The following AMD1 variants were observed in gnomAD, a reference collection of about 807,000 sequenced individuals.
The protein encoded by AMD1 is S-adenosylmethionine decarboxylase proenzyme.
In AMD1, 11 loss-of-function variants were observed where a neutral mutation model predicts 40.2. That is an observed-to-expected ratio of 0.27 (90% CI 0.17 to 0.45). AMD1 has a LOEUF of 0.45. AMD1 is among the 20% of genes least tolerant of loss of function. The pLI is 1.00. For missense variants in AMD1, 257 were observed against 410.2 expected (o/e 0.63, Z 3.23); for synonymous variants, 121 against 130.8 (o/e 0.93, Z 0.51).
chr6:110,836,461 A>G, the AMD1 span, among the ~76,000 whole-genome samples: 1 of 152,224 alleles, frequency 6.6e-6, no homozygotes, highest in Non-Finnish European at 1.5e-5. Context: ...ACACAACAGT[A>G]TATAGATAAC....
intron 1 of AMD1, among the ~76,000 whole-genome samples, 177 bp from the exon 2 acceptor site, chr6:110,887,325 CATA>C (rs897792001): frequency 3.3e-5 from 5 of 151,936 alleles, no homozygotes; most frequent in African/African-American, 1.2e-4. Context: ...TCATATATAG[CATA>C]ATATACCTAT....
the AMD1 span, among the ~76,000 whole-genome samples, chr6:110,857,201 C>T: frequency 6.0e-5 from 9 of 151,160 alleles, no homozygotes; most frequent in South Asian, 1.7e-3. Context: ...AACCTATGTC[C>T]AGATAACAGA....
intron 4 of AMD1, among the ~76,000 whole-genome samples, chr6:110,890,567 C>T (rs780067542): frequency 4.6e-5 from 7 of 152,088 alleles, no homozygotes; most frequent in Non-Finnish European, 1.0e-4. Flanking sequence ...CTCACTGCAG[C>T]CTCAACATCC....
chr6:110,846,247 C>T, the AMD1 span, among the ~76,000 whole-genome samples: 25 of 151,870 alleles, frequency 1.6e-4, no homozygotes, highest in Non-Finnish European at 2.8e-4. Context: ...ACAACAACAA[C>T]AACAACAAAA....
the AMD1 span, among the ~76,000 whole-genome samples, chr6:110,818,099 G>A: frequency 6.6e-6 from 1 of 152,172 alleles, no homozygotes; most frequent in Non-Finnish European, 1.5e-5. Context: ...ATTATGAAAA[G>A]CTATTTATGT....
At chr6:110,821,037 G>A in the AMD1 span, among the ~76,000 whole-genome samples, 1 of 152,212 alleles carries the variant, frequency 6.6e-6, no homozygotes, top group Non-Finnish European at 1.5e-5. Context: ...TTTGTGATAT[G>A]AGTTTTAATC....
the AMD1 span, among the ~76,000 whole-genome samples, chr6:110,842,892 T>C: frequency 6.6e-6 from 1 of 152,000 alleles, no homozygotes; most frequent in Non-Finnish European, 1.5e-5. Context: ...CCCAGCAATT[T>C]GGGAGGCCGA....
In AMD1 at chr6:110,892,722, T is replaced by C; in HGVS notation, c.616-13T>C. 2.6e-6 allele frequency: 4 copies of C among 1,509,768 alleles called. No homozygotes were observed. Among genetic ancestry groups the C allele is most frequent in the Middle Eastern group, 2.1e-4 (1 of 4,848 alleles). The allele number at this position is 1,509,768 out of a possible 1,614,324, so 93.5% of individuals were successfully genotyped here. Reference sequence around the variant, plus strand: ...TCAAACCCTTGTTAAACTCGGTCTTTTTCCCCCCCCAGGAGAGTGGAATTC... The same window carrying C: ...TCAAACCCTTGTTAAACTCGGTCTTCTTCCCCCCCCAGGAGAGTGGAATTC... On this transcript the variant is annotated splice_polypyrimidine_tract_variant and intron_variant, in intron 6 of 8. Transcript: ENST00000368885.
chr6:110,844,233 A>AAAAGAAAG, the AMD1 span, among the ~76,000 whole-genome samples: 2 of 151,426 alleles, frequency 1.3e-5, no homozygotes, highest in African/African-American at 4.9e-5. Context: ...ACTTCAAAAA[A>AAAAGAAAG]AAAGAAAGAA....
the AMD1 span, among the ~76,000 whole-genome samples, chr6:110,824,877 C>A: frequency 6.6e-6 from 1 of 152,058 alleles, no homozygotes; most frequent in East Asian, 1.9e-4. Context: ...CATAGCTGCC[C>A]TATGAGGAAG....
chr6:110,815,224 T>G, the AMD1 span: 2 of 1,227,464 alleles, frequency 1.6e-6, no homozygotes, highest in Non-Finnish European at 1.0e-6. Context: ...CCGCTCCACT[T>G]CTCCAACAGC....
chr6:110,851,057 G>A, the AMD1 span, among the ~76,000 whole-genome samples: 8 of 151,994 alleles, frequency 5.3e-5, no homozygotes, highest in Non-Finnish European at 8.8e-5. Flanking sequence ...TCCACCTCCC[G>A]GGTTCAAGCA....
the AMD1 span, among the ~76,000 whole-genome samples, chr6:110,822,951 A>G: frequency 6.6e-6 from 1 of 152,188 alleles, no homozygotes; most frequent in Non-Finnish European, 1.5e-5. Flanking sequence ...CCCTGTCTCT[A>G]CTAAAAATAC....
At chr6:110,840,333 A>G in the AMD1 span, among the ~76,000 whole-genome samples, 1 of 152,064 alleles carries the variant, frequency 6.6e-6, no homozygotes, top group African/African-American at 2.4e-5. Context: ...TTGGGGGCTC[A>G]GTCCCCAAGA....
Position 110,892,470 on chromosome 6 carries a change from C to T in AMD1, c.615+27C>T, listed in dbSNP as rs767592078. The T allele has an allele frequency of 2.5e-6, 4 of 1,609,814 alleles. No homozygotes were observed. In the Admixed American group the frequency reaches 5.0e-5, roughly 20 times the overall value. ...TAAGCATTTTTAGTAATAATTGTTGCTGGACTCTTCTGCGTGGGGACTAAA... is the reference window on the plus strand; with the variant it reads ...TAAGCATTTTTAGTAATAATTGTTGTTGGACTCTTCTGCGTGGGGACTAAA... On this transcript the variant is annotated intron_variant, in intron 6 of 8. Coordinates refer to ENST00000368885, the MANE Select transcript of AMD1 (RefSeq NM_001634.6).
At chr6:110,849,931 C>T in the AMD1 span, among the ~76,000 whole-genome samples, 8 of 150,440 alleles carry the variant, frequency 5.3e-5, no homozygotes, top group Admixed American at 1.3e-4. Flanking sequence ...AGGTGGGGGG[C>T]GGGGAATCTC....
Position 110,874,822 on chromosome 6 carries a change from G to A in AMD1, c.-284G>A, listed in dbSNP as rs1785006987. The A allele has an allele frequency of 2.9e-6, 1 of 338,986 alleles. No homozygotes were observed. The highest frequency in any genetic ancestry group is 5.5e-6 in the Non-Finnish European group (1 of 182,724). 21.0% of individuals were successfully genotyped at this position (338,986 alleles called of 1,614,324 possible). On this transcript the variant is annotated 5_prime_UTR_variant, in exon 1 of 9. Coordinates refer to ENST00000368885, the MANE Select transcript of AMD1 (RefSeq NM_001634.6). Reference sequence around the variant, plus strand: ...TGGCCGGCGACATTAGCTAGCGCTCGCTCTACTCTCTCTAACGGGAAAGCA... The same window carrying A: ...TGGCCGGCGACATTAGCTAGCGCTCACTCTACTCTCTCTAACGGGAAAGCA...
chr6:110,816,228 T>C, the AMD1 span, among the ~76,000 whole-genome samples: 3 of 152,202 alleles, frequency 2.0e-5, no homozygotes, highest in Non-Finnish European at 4.4e-5. Flanking sequence ...GCTTTGGCCA[T>C]CTGTCTAAGG....
At chr6:110,851,806 T>A in the AMD1 span, among the ~76,000 whole-genome samples, 1 of 152,156 alleles carries the variant, frequency 6.6e-6, no homozygotes, top group East Asian at 1.9e-4. Flanking sequence ...TCACCCCAGC[T>A]TGTATAAATT....
Sources: gnomAD v4.1 joint callset for allele counts (sites outside exome capture counted in the v4.1 genomes callset) on GRCh38, gnomAD v4.1.1 for gene constraint, MANE v1.5 for transcripts, NCBI Gene and HGNC (gene_info 2026-07-23, HGNC 2026-07-21) for gene names.